The following MCPH1 variants were observed in gnomAD, a reference collection of about 807,000 sequenced individuals.
The protein encoded by MCPH1 is microcephalin.
Under a neutral mutation model 84.5 loss-of-function variants are expected in MCPH1, and 104 were observed. The ratio of observed to expected loss-of-function variants is 1.23; its 90% CI spans 1.05 to 1.45. The LOEUF is 1.45. Ranked by LOEUF, MCPH1 falls within the 40% of genes most tolerant of loss-of-function variation. The probability of loss-of-function intolerance (pLI) is 0.00; values close to 1 mark genes in which losing one functional copy is unlikely to be tolerated. For missense variants in MCPH1, 1,498 were observed against 1,005.7 expected, an observed-to-expected ratio of 1.49 and a Z score of -6.62; for synonymous variants, 514 against 366.8, an observed-to-expected ratio of 1.40 and a Z score of -4.58.
intron 12 of MCPH1, among the ~76,000 whole-genome samples, chr8:6,516,558 C>G (rs1393786985): frequency 1.3e-5 from 2 of 152,154 alleles, no homozygotes; most frequent in East Asian, 3.8e-4. Context: ...ATAATACTGC[C>G]TCTTATTTGC....
At chr8:6,510,022 C>T (rs767643945) in intron 12 of MCPH1, among the ~76,000 whole-genome samples, 1 of 152,136 alleles carries the variant, frequency 6.6e-6, no homozygotes, top group Non-Finnish European at 1.5e-5. Context: ...CACCTTCACA[C>T]CATCGTAAAG....
At chr8:6,583,473 G>A (rs745935670) in intron 12 of MCPH1, among the ~76,000 whole-genome samples, 10 of 152,238 alleles carry the variant, frequency 6.6e-5, no homozygotes, top group Admixed American at 6.5e-5. Context: ...GGATGTGCAT[G>A]TTATGTCAGC....
chr8:6,520,971 A>G (rs567951879), intron 12 of MCPH1, among the ~76,000 whole-genome samples: 35 of 152,350 alleles, frequency 2.3e-4, no homozygotes, highest in African/African-American at 8.2e-4. Flanking sequence ...GCCATGAATC[A>G]AAAGTATGCT....
intron 12 of MCPH1, among the ~76,000 whole-genome samples, chr8:6,518,799 A>G (rs1816781546): frequency 6.6e-6 from 1 of 152,232 alleles, no homozygotes; most frequent in South Asian, 2.1e-4. Context: ...GACATTTAAT[A>G]TATACAGTTA....
At position 6,454,687 on chromosome 8, in the gene MCPH1, C is replaced by G. The variant is rs78835375; in HGVS notation, c.1826-456C>G. 1.5e-3 allele frequency among the ~76,000 whole-genome samples: 231 copies of G among 152,314 alleles called. 2 individuals are homozygous for G. The highest frequency in any genetic ancestry group is 5.2e-3 in the African/African-American group (218 of 41,576). On this transcript the variant is annotated intron_variant, in intron 8 of 13. Transcript: ENST00000344683. ...TGGGGGGAGTAAAATCATCATCCATCATTTGTAGGTTGAAGCCTGAAGCTC... is the reference window on the plus strand; with the variant it reads ...TGGGGGGAGTAAAATCATCATCCATGATTTGTAGGTTGAAGCCTGAAGCTC...
intron 12 of MCPH1, among the ~76,000 whole-genome samples, chr8:6,600,159 A>G (rs1179936550): frequency 1.3e-5 from 2 of 152,238 alleles, no homozygotes; most frequent in Non-Finnish European, 2.9e-5. Context: ...CCTTTTCCAA[A>G]GGATTAGGCC....
At chr8:6,508,821 G>A (rs1374012692) in intron 12 of MCPH1, 4 of 1,453,024 alleles carry the variant, frequency 2.8e-6, no homozygotes, top group African/African-American at 1.4e-5. Context: ...GTCTACGTAT[G>A]AAATTGTGGA....
At chr8:6,600,394 T>G (rs997390520) in intron 12 of MCPH1, among the ~76,000 whole-genome samples, 1 of 152,226 alleles carries the variant, frequency 6.6e-6, no homozygotes, top group African/African-American at 2.4e-5. Flanking sequence ...TAACTGGTAT[T>G]CCTGTGGGAG....
intron 12 of MCPH1, among the ~76,000 whole-genome samples, chr8:6,597,336 T>G (rs1829005343): frequency 6.6e-6 from 1 of 152,118 alleles, no homozygotes; most frequent in African/African-American, 2.4e-5. Context: ...TTGTCTTATT[T>G]TTTCGGCTTC....
At chr8:6,606,475 C>T (rs916110216) in intron 12 of MCPH1, among the ~76,000 whole-genome samples, 4 of 152,172 alleles carry the variant, frequency 2.6e-5, no homozygotes, top group Non-Finnish European at 4.4e-5. Flanking sequence ...TCTATTAAAG[C>T]AAGGTCCCTG....
At chr8:6,625,807 T>G in intron 13 of MCPH1, 1 of 985,152 alleles carries the variant, frequency 1.0e-6, no homozygotes, top group Non-Finnish European at 1.2e-6. Flanking sequence ...AAAAGAATCA[T>G]TTTTCAGTGC....
intron 12 of MCPH1, among the ~76,000 whole-genome samples, chr8:6,584,066 C>A (rs1827789191): frequency 6.6e-6 from 1 of 152,140 alleles, no homozygotes; most frequent in African/African-American, 2.4e-5. Flanking sequence ...TCTCTTTGAT[C>A]ACCTTCATCA....
At chr8:6,414,718 G>C in intron 2 of MCPH1, 47 bp from the exon 3 acceptor site, 1 of 1,602,854 alleles carries the variant, frequency 6.2e-7, no homozygotes, top group Non-Finnish European at 8.5e-7. Flanking sequence ...TAGTTAAGTT[G>C]TGAATGAACA....
chr8:6,638,197 G>C (rs988506932), intron 13 of MCPH1, among the ~76,000 whole-genome samples: 1 of 152,302 alleles, frequency 6.6e-6, no homozygotes. Flanking sequence ...TACTGCTAAG[G>C]GCTGCCTTAA....
chr8:6,612,599 C>T (rs1236148033), intron 12 of MCPH1, among the ~76,000 whole-genome samples: 2 of 152,218 alleles, frequency 1.3e-5, no homozygotes, highest in Non-Finnish European at 2.9e-5. Context: ...CGTCCGGCAC[C>T]GCTGGTTGCG....
At chr8:6,628,218 C>T (rs1019690463) in intron 13 of MCPH1, among the ~76,000 whole-genome samples, 44 of 152,088 alleles carry the variant, frequency 2.9e-4, no homozygotes, top group Non-Finnish European at 5.4e-4. Flanking sequence ...CTCCCGTCAT[C>T]CCAGCACTTT....
intron 9 of MCPH1, among the ~76,000 whole-genome samples, chr8:6,460,150 C>G (rs773351931): frequency 6.6e-6 from 1 of 151,912 alleles, no homozygotes; most frequent in African/African-American, 2.4e-5. Flanking sequence ...TTTTCTCACG[C>G]CTCCATTGCT....
chr8:6,522,672 G>C (rs1033609193), intron 12 of MCPH1, among the ~76,000 whole-genome samples: 11 of 151,626 alleles, frequency 7.3e-5, no homozygotes, highest in African/African-American at 2.2e-4. Flanking sequence ...TACTCAGGAG[G>C]CTGAGGCAGG....
intron 12 of MCPH1, among the ~76,000 whole-genome samples, chr8:6,533,938 C>A (rs1474329234): frequency 6.6e-6 from 1 of 152,064 alleles, no homozygotes; most frequent in Non-Finnish European, 1.5e-5. Context: ...TAGATTGTGT[C>A]TTGTGACTGG....
Sources: allele counts gnomAD v4.1 joint callset (sites outside exome capture counted in the v4.1 genomes callset), GRCh38; gene constraint gnomAD v4.1.1; transcripts MANE v1.5; gene names NCBI Gene and HGNC (gene_info 2026-07-23, HGNC 2026-07-21).